TUBGCP3: variants seen among roughly 807,000 people sequenced by gnomAD.
The protein encoded by TUBGCP3 is gamma-tubulin complex component 3.
In TUBGCP3, 50 loss-of-function variants were observed where a neutral mutation model predicts 123.1. That is an observed-to-expected ratio of 0.41 (90% CI 0.32 to 0.51). The LOEUF (loss-of-function observed/expected upper bound fraction) is 0.51. TUBGCP3 is among the 20% of genes least tolerant of loss of function. The pLI, the probability that TUBGCP3 is intolerant of heterozygous loss-of-function variation, is 0.36. For synonymous variants in TUBGCP3, 405 were observed against 413.9 expected, an observed-to-expected ratio of 0.98 and a Z score of 0.26; for missense variants, 882 against 1,127.0, an observed-to-expected ratio of 0.78 and a Z score of 3.11.
chr13:112,533,818 A>G (rs939047816), intron 11 of TUBGCP3, among the ~76,000 whole-genome samples: 1 of 134,814 alleles, frequency 7.4e-6, no homozygotes, highest in Non-Finnish European at 1.6e-5. Flanking sequence ...TTTTTTTTTA[A>G]TTTTCTATTT....
At chr13:112,530,419 G>C (rs1024745648) in intron 11 of TUBGCP3, among the ~76,000 whole-genome samples, 3 of 152,176 alleles carry the variant, frequency 2.0e-5, no homozygotes, top group African/African-American at 4.8e-5. Context: ...GTTCTTCCCA[G>C]GAAAAAATCG....
intron 14 of TUBGCP3, among the ~76,000 whole-genome samples, chr13:112,521,430 C>A (rs1876613854): frequency 6.6e-6 from 1 of 152,092 alleles, no homozygotes; most frequent in African/African-American, 2.4e-5. Context: ...AATGTGTAGT[C>A]CCCACAAACG....
rs746687458 is a variant in TUBGCP3 at position 112,548,226 on chromosome 13, G to A, written c.967-50C>T. On this transcript the variant is annotated intron_variant, in intron 8 of 21. Transcript: ENST00000261965. ...AAGCACGACACACTCATTACACATTGACTGATTTTAAGTGGAAAGGTATAA... is the reference window on the plus strand; with the variant it reads ...AAGCACGACACACTCATTACACATTAACTGATTTTAAGTGGAAAGGTATAA... 17 of 1,444,452 alleles carry A rather than the reference G, an allele frequency of 1.2e-5. No homozygotes were observed. In the South Asian group the frequency reaches 2.1e-4, roughly 18 times the overall value. 89.5% of individuals were successfully genotyped at this position (1,444,452 alleles called of 1,614,324 possible). A position where few individuals can be genotyped will look rare whatever the true frequency, so the allele number is the denominator to read the frequency against.
At chr13:112,594,217 AC>A in the TUBGCP3 span, among the ~76,000 whole-genome samples, 1 of 152,240 alleles carries the variant, frequency 6.6e-6, no homozygotes, top group East Asian at 1.9e-4. Context: ...TCATAAGAAA[AC>A]TATAAAATGA....
At chr13:112,492,500 C>T (rs1024300510) in intron 20 of TUBGCP3, among the ~76,000 whole-genome samples, 9 of 152,268 alleles carry the variant, frequency 5.9e-5, no homozygotes, top group African/African-American at 2.2e-4. Context: ...TCTCAGCACC[C>T]AGATGTTCCT....
intron 10 of TUBGCP3, 145 bp from the exon 11 acceptor site, chr13:112,546,010 A>T: frequency 1.3e-6 from 1 of 795,332 alleles, no homozygotes; most frequent in Non-Finnish European, 1.9e-6. Context: ...TTGGACCTAG[A>T]AGCAGCAGTA....
chr13:112,519,095 G>C lies in TUBGCP3; in HGVS notation c.1882-52C>G, dbSNP rs1294223204. ...GCAAGACCTTAAGCTTCTTGCTGAAGAACTTGTTAACGCAAAGAAAAAGCA... is the reference window on the plus strand; with the variant it reads ...GCAAGACCTTAAGCTTCTTGCTGAACAACTTGTTAACGCAAAGAAAAAGCA... On this transcript the variant is annotated intron_variant, in intron 15 of 21. Transcript: ENST00000261965. This position sits in a 1 kb window ranked among gnomAD's most constrained non-coding sequence, Gnocchi z 6.2. The C allele has an allele frequency of 6.8e-7, 1 of 1,472,536 alleles. No homozygotes were observed. Among genetic ancestry groups the C allele is most frequent in the Non-Finnish European group, 9.5e-7 (1 of 1,052,378 alleles). The allele number at this position is 1,472,536 out of a possible 1,614,324, so 91.2% of individuals were successfully genotyped here.
chr13:112,548,812 G>C (rs1367770187), intron 8 of TUBGCP3, among the ~76,000 whole-genome samples: 2 of 152,298 alleles, frequency 1.3e-5, no homozygotes, highest in South Asian at 2.1e-4. Flanking sequence ...TTAGAATGGT[G>C]ATCATTAAAA....
intron 20 of TUBGCP3, among the ~76,000 whole-genome samples, chr13:112,494,511 G>A (rs79651253): frequency 3.9e-5 from 6 of 152,332 alleles, no homozygotes; most frequent in South Asian, 4.1e-4. Context: ...CACAGGCCAC[G>A]GAGCAACAGT....
intron 8 of TUBGCP3, among the ~76,000 whole-genome samples, chr13:112,551,518 T>C (rs1199918784): frequency 6.6e-6 from 1 of 151,964 alleles, no homozygotes; most frequent in Non-Finnish European, 1.5e-5. Flanking sequence ...ATAAGATAAA[T>C]AAACCATCAC....
chr13:112,556,314 G>C, intron 5 of TUBGCP3, 90 bp from the exon 6 acceptor site: 1 of 1,235,576 alleles, frequency 8.1e-7, no homozygotes, highest in Admixed American at 2.2e-5. Flanking sequence ...TTACTATCGT[G>C]AATTACATAA....
Position 112,520,005 on chromosome 13 carries a change from G to A in TUBGCP3, c.1762C>T (p.Pro588Ser), listed in dbSNP as rs377741933. ...MDLLKPELVRPATTLYQHNLT... is the reference protein window; with the variant it reads ...MDLLKPELVRSATTLYQHNLT... ...TTATGCTGATACAAAGTCGTAGCTG[G>A]ACGGACAAGTTCTGGTCTTAACAAA... is the stretch of plus-strand genomic sequence containing the variant. The change falls in exon 15 of 22, where the codon CCA becomes TCA. Residue 588 changes from proline to serine, a missense_variant. Physicochemically the swap from Pro to Ser is moderately conservative, Grantham distance 74. Transcript: ENST00000261965. 1.2e-6 allele frequency: 2 copies of A among 1,613,624 alleles called. No homozygotes were observed. Among genetic ancestry groups the A allele is most frequent in the Non-Finnish European group, 1.7e-6 (2 of 1,179,762 alleles).
intron 20 of TUBGCP3, among the ~76,000 whole-genome samples, chr13:112,493,895 G>T (rs533983620): frequency 6.6e-6 from 1 of 150,652 alleles, no homozygotes; most frequent in Admixed American, 6.6e-5. Flanking sequence ...ATAGGAATGG[G>T]GCCTGGTGTC....
intron 1 of TUBGCP3, among the ~76,000 whole-genome samples, chr13:112,582,509 C>T (rs1261786359): frequency 6.6e-6 from 1 of 152,134 alleles, no homozygotes; most frequent in Non-Finnish European, 1.5e-5. Context: ...AAGGCTGCCA[C>T]GTGAGGAGCC....
intron 17 of TUBGCP3, among the ~76,000 whole-genome samples, chr13:112,506,456 T>C (rs1176613767): frequency 6.6e-6 from 1 of 152,176 alleles, no homozygotes; most frequent in Admixed American, 6.5e-5. Context: ...TTAAACACAG[T>C]GAACTATAGC....
chr13:112,534,664 G>A (rs1369511604), intron 11 of TUBGCP3, among the ~76,000 whole-genome samples: 1 of 151,958 alleles, frequency 6.6e-6, no homozygotes, highest in African/African-American at 2.4e-5. Flanking sequence ...TGGTGAACAG[G>A]AGCACCTCAA....
intron 19 of TUBGCP3, among the ~76,000 whole-genome samples, chr13:112,499,919 G>A (rs928610553): frequency 1.3e-5 from 2 of 152,110 alleles, no homozygotes; most frequent in Non-Finnish European, 2.9e-5. Context: ...AATTAAAAAT[G>A]TATACACAGA....
At chr13:112,515,031 C>T (rs941075109) in intron 17 of TUBGCP3, among the ~76,000 whole-genome samples, 21 of 151,984 alleles carry the variant, frequency 1.4e-4, no homozygotes, top group African/African-American at 9.7e-5. Flanking sequence ...AAGCAGGATC[C>T]TAGCGATATA....
chr13:112,494,509 A>T (rs1387372696), intron 20 of TUBGCP3, among the ~76,000 whole-genome samples: 1 of 152,264 alleles, frequency 6.6e-6, no homozygotes, highest in Non-Finnish European at 1.5e-5. Context: ...ACCACAGGCC[A>T]CGGAGCAACA....
Sources: allele counts gnomAD v4.1 joint callset (sites outside exome capture counted in the v4.1 genomes callset), GRCh38; gene constraint gnomAD v4.1.1; non-coding constraint Gnocchi (gnomAD v3.1); transcripts MANE v1.5; gene names NCBI Gene and HGNC (gene_info 2026-07-23, HGNC 2026-07-21).